Variants in DYRK2 observed in about 807,000 individuals in gnomAD.
DYRK2 encodes dual specificity tyrosine phosphorylation regulated kinase 2.
A neutral mutation model predicts 41.6 loss-of-function variants in DYRK2; 12 were observed. The ratio of observed to expected loss-of-function variants is 0.29; its 90% CI spans 0.18 to 0.47. The LOEUF (loss-of-function observed/expected upper bound fraction) is 0.47. Among genes scored for constraint, DYRK2 ranks in the 20% least tolerant of loss-of-function variants. The probability of loss-of-function intolerance (pLI) is 1.00; values close to 1 mark genes in which losing one functional copy is unlikely to be tolerated. For missense variants in DYRK2, 678 were observed against 798.4 expected (o/e 0.85, Z 1.82); for synonymous variants, 322 against 315.7 (o/e 1.02, Z -0.21).
chr12:67,656,280 G>A (rs1872466315), intron 2 of DYRK2, among the ~76,000 whole-genome samples: 1 of 152,152 alleles, frequency 6.6e-6, no homozygotes, highest in Non-Finnish European at 1.5e-5. Flanking sequence ...TGAAACAGAG[G>A]TTGCTTCTTT....
At chr12:67,649,419 G>C (rs1367598380) in intron 1 of DYRK2, among the ~76,000 whole-genome samples, 3 of 151,784 alleles carry the variant, frequency 2.0e-5, no homozygotes, top group African/African-American at 7.2e-5. Flanking sequence ...GGCCCGGGCG[G>C]GGACCGTCCA....
chr12:67,650,279 G>A (rs1872280888), intron 2 of DYRK2, among the ~76,000 whole-genome samples: 1 of 152,096 alleles, frequency 6.6e-6, no homozygotes, highest in African/African-American at 2.4e-5. Flanking sequence ...TCCCTGACCC[G>A]GTAAACATCT....
intron 2 of DYRK2, among the ~76,000 whole-genome samples, chr12:67,650,354 A>T (rs1215379975): frequency 6.6e-6 from 1 of 152,190 alleles, no homozygotes; most frequent in Non-Finnish European, 1.5e-5. Flanking sequence ...GTTAGGGGAC[A>T]GCCAGACCGG....
rs1872554415 is a variant in DYRK2 at position 67,658,782 on chromosome 12, G to A, written c.*69G>A. On this transcript the variant is annotated 3_prime_UTR_variant, in exon 3 of 3. Coordinates refer to ENST00000344096, the MANE Select transcript of DYRK2 (RefSeq NM_006482.3). The surrounding 1 kb of genome is among the most constrained non-coding windows in gnomAD (Gnocchi z 4.3). The stretch of plus-strand genomic sequence containing the variant: ...CTGAGCCTTACTGGGTTGAAAAGGA[G>A]TAGCTCAGACCTGTTTTTATTTGCT... 2 of 1,496,974 alleles carry A rather than the reference G, an allele frequency of 1.3e-6. No individual in the cohort carries two copies. Among genetic ancestry groups the A allele is most frequent in the Non-Finnish European group, 1.8e-6 (2 of 1,115,666 alleles). 92.7% of individuals were successfully genotyped at this position (1,496,974 alleles called of 1,614,324 possible). A position where few individuals can be genotyped will look rare whatever the true frequency, so the allele number is the denominator to read the frequency against.
intron 2 of DYRK2, among the ~76,000 whole-genome samples, chr12:67,653,819 A>G (rs190681491): frequency 6.6e-6 from 1 of 152,228 alleles, no homozygotes; most frequent in Non-Finnish European, 1.5e-5. Flanking sequence ...ACTTGGAAAC[A>G]TAAGAGGGGA....
At position 67,661,781 on chromosome 12, in the gene DYRK2, C is replaced by A. The variant is rs1479559088; in HGVS notation, c.*3068C>A. On this transcript the variant is annotated 3_prime_UTR_variant, in exon 3 of 3. Transcript: ENST00000344096. ...GATGGTCTTTGTTGTATCTTAACAT[C>A]AGACTGATTTTTACATTTTTTTTTT... The A allele has an allele frequency of 6.1e-6, 1 of 164,384 alleles. No individual in the cohort carries two copies. The highest frequency in any genetic ancestry group is 6.6e-5 in the Admixed American group (1 of 15,226). The allele number at this position is 164,384 out of a possible 1,614,324, so 10.2% of individuals were successfully genotyped here.
intron 2 of DYRK2, among the ~76,000 whole-genome samples, chr12:67,650,770 T>C (rs935432769): frequency 6.6e-6 from 1 of 152,200 alleles, no homozygotes; most frequent in Non-Finnish European, 1.5e-5. Context: ...ATGGCCAGCC[T>C]GGAGGAGGTC....
At position 67,660,094 on chromosome 12, in the gene DYRK2, A is replaced by G. The variant is rs1872582860; in HGVS notation, c.*1381A>G. The G allele has an allele frequency of 6.0e-6, 1 of 167,080 alleles. No individual in the cohort carries two copies. The highest frequency in any genetic ancestry group is 2.1e-4 in the South Asian group (1 of 4,838). The allele number at this position is 167,080 out of a possible 1,614,324, so 10.3% of individuals were successfully genotyped here. ...TTCACAGTGAAAATTTCAGTATTTT[A>G]TCACTAATGTATGAGCAATGATCTA... On this transcript the variant is annotated 3_prime_UTR_variant, in exon 3 of 3. Transcript: ENST00000344096.
chr12:67,651,760 T>A, intron 2 of DYRK2: 1 of 363,844 alleles, frequency 2.7e-6, no homozygotes, highest in Non-Finnish European at 5.4e-6. Context: ...AGAGTTTATC[T>A]GGTTCTATTC....
rs1354331632 is a variant in DYRK2 at position 67,660,864 on chromosome 12, C to T, written c.*2151C>T. The T allele has an allele frequency of 6.0e-6, 1 of 166,828 alleles. No individual in the cohort carries two copies. Among genetic ancestry groups the T allele is most frequent in the Non-Finnish European group, 1.5e-5 (1 of 68,092 alleles). 10.3% of individuals were successfully genotyped at this position (166,828 alleles called of 1,614,324 possible). On this transcript the variant is annotated 3_prime_UTR_variant, in exon 3 of 3. Transcript: ENST00000344096. ...TCTTCTAATGCTCCTCTTCCATTTC[C>T]AGTTATCTTCACATTTACATTTAAA... is the stretch of plus-strand genomic sequence containing the variant.
chr12:67,648,937 G>A lies in DYRK2; in HGVS notation c.-197G>A. 5.2e-6 allele frequency: 2 copies of A among 384,822 alleles called. No individual in the cohort carries two copies. The highest frequency in any genetic ancestry group is 9.2e-6 in the Non-Finnish European group (2 of 217,254). The allele number at this position is 384,822 out of a possible 1,614,324, so 23.8% of individuals were successfully genotyped here. ...GACGGCGGCGAGGAGGAGAGCGGGG[G>A]GCTCGCGGCGGCGGGCCCCGGCCGA... On this transcript the variant is annotated 5_prime_UTR_variant, in exon 1 of 3. Transcript: ENST00000344096.
At chr12:67,649,662 G>GT (rs1382887070) in intron 1 of DYRK2, 135 bp from the exon 2 acceptor site, 48 of 1,080,796 alleles carry the variant, frequency 4.4e-5, no homozygotes, top group Middle Eastern at 3.4e-4. Flanking sequence ...CCGAACGCCC[G>GT]TTTTTACTGC....
chr12:67,663,898 A>T lies in DYRK2; in HGVS notation c.*5185A>T, dbSNP rs1175372169. The T allele has an allele frequency of 6.6e-6, 1 of 152,200 alleles. No homozygotes were observed. Among genetic ancestry groups the T allele is most frequent in the African/African-American group, 2.4e-5 (1 of 41,460 alleles). The allele number at this position is 152,200 out of a possible 1,614,324, so 9.4% of individuals were successfully genotyped here. On this transcript the variant is annotated 3_prime_UTR_variant, in exon 3 of 3. Transcript: ENST00000344096. ...GGAACTTCGAAGTTGTCTTCAAACT[A>T]GCTCTAGAAAATGTCCCTAGTTGAC...
chr12:67,663,241 AG>A lies in DYRK2; in HGVS notation c.*4530del, dbSNP rs1161986815. On this transcript the variant is annotated 3_prime_UTR_variant, in exon 3 of 3. Coordinates refer to ENST00000344096, the MANE Select transcript of DYRK2 (RefSeq NM_006482.3). ...TCGGTTGGCTCAGAAAATAAGGCCT[AG>A]GAACTGCAATTAGCTCATGATTTGT... 1.3e-5 allele frequency: 2 copies of A among 152,032 alleles called. No individual in the cohort carries two copies. The highest frequency in any genetic ancestry group is 1.3e-4 in the Admixed American group (2 of 15,248). 9.4% of individuals were successfully genotyped at this position (152,032 alleles called of 1,614,324 possible).
chr12:67,654,624 G>C (rs1592712753), intron 2 of DYRK2, among the ~76,000 whole-genome samples: 1 of 152,214 alleles, frequency 6.6e-6, no homozygotes, highest in African/African-American at 2.4e-5. Context: ...GAGGTGTTGA[G>C]ATTTTCCAGG....
chr12:67,664,051 T>C lies in DYRK2; in HGVS notation c.*5338T>C, dbSNP rs917613397. The C allele has an allele frequency of 1.3e-5, 2 of 152,150 alleles. No individual in the cohort carries two copies. Among genetic ancestry groups the C allele is most frequent in the African/African-American group, 4.8e-5 (2 of 41,444 alleles). The allele number at this position is 152,150 out of a possible 1,614,324, so 9.4% of individuals were successfully genotyped here. A position where few individuals can be genotyped will look rare whatever the true frequency, so the allele number is the denominator to read the frequency against. Reference sequence around the variant, plus strand: ...TTTCTTAAGTTTGAATTACACTTGATTTCCTTTGGGTTATTAGGCAGATAA... The same window carrying C: ...TTTCTTAAGTTTGAATTACACTTGACTTCCTTTGGGTTATTAGGCAGATAA... On this transcript the variant is annotated 3_prime_UTR_variant, in exon 3 of 3. Transcript: ENST00000344096.
chr12:67,661,586 C>G lies in DYRK2; in HGVS notation c.*2873C>G, dbSNP rs573146911. 3.6e-5 allele frequency: 6 copies of G among 166,938 alleles called. No homozygotes were observed. In the South Asian group the frequency reaches 6.2e-4, roughly 17 times the overall value. 10.3% of individuals were successfully genotyped at this position (166,938 alleles called of 1,614,324 possible). A position where few individuals can be genotyped will look rare whatever the true frequency, so the allele number is the denominator to read the frequency against. On this transcript the variant is annotated 3_prime_UTR_variant, in exon 3 of 3. Transcript: ENST00000344096. ...GCATTTTTTGGCCTCTTTAACTCTT[C>G]GAATTCTAGTCAGTAAGAATGGAAC...
rs147455307 is a variant in DYRK2 at position 67,657,559 on chromosome 12, G to T, written c.652G>T (p.Val218Leu). 2 of 1,613,974 alleles carry T rather than the reference G, an allele frequency of 1.2e-6. No homozygotes were observed. The highest frequency in any genetic ancestry group is 3.3e-5 in the Admixed American group (2 of 59,996). ...GSYVQVPHDHVAYRYEVLKVI... is the reference protein window; with the variant it reads ...GSYVQVPHDHLAYRYEVLKVI... Reference sequence around the variant, plus strand: ...ATATGTGCAGGTGCCCCACGATCACGTGGCTTACAGGTATGAGGTCCTCAA... The same window carrying T: ...ATATGTGCAGGTGCCCCACGATCACTTGGCTTACAGGTATGAGGTCCTCAA... The change falls in exon 3 of 3, where the codon GTG becomes TTG. Residue 218 changes from valine to leucine, a missense_variant. Transcript: ENST00000344096. This position sits in a 1 kb window ranked among gnomAD's most constrained non-coding sequence, Gnocchi z 4.8.
At chr12:67,656,816 G>A (rs1376384569) in intron 2 of DYRK2, among the ~76,000 whole-genome samples, 1 of 152,106 alleles carries the variant, frequency 6.6e-6, no homozygotes, top group Non-Finnish European at 1.5e-5. Flanking sequence ...GGATTGAGTG[G>A]AACACCTATG....
Sources: gnomAD v4.1 joint callset for allele counts (sites outside exome capture counted in the v4.1 genomes callset) on GRCh38, gnomAD v4.1.1 for gene constraint, Gnocchi (gnomAD v3.1) non-coding constraint, MANE v1.5 for transcripts, NCBI Gene and HGNC (gene_info 2026-07-23, HGNC 2026-07-21) for gene names.